The following THSD7A variants were observed in gnomAD, a reference collection of about 807,000 sequenced individuals.
THSD7A encodes thrombospondin type-1 domain-containing protein 7A.
A neutral mutation model predicts 231.3 loss-of-function variants in THSD7A; 96 were observed. The ratio of observed to expected loss-of-function variants is 0.41; its 90% CI spans 0.35 to 0.49. The LOEUF is 0.49. Among genes scored for constraint, THSD7A ranks in the 20% least tolerant of loss-of-function variants. The probability of loss-of-function intolerance (pLI) is 0.05; values close to 1 mark genes in which losing one functional copy is unlikely to be tolerated. For missense variants in THSD7A, 2,290 were observed against 2,070.2 expected (o/e 1.11, Z -2.06); for synonymous variants, 940 against 743.3 (o/e 1.26, Z -4.30).
chr7:11,829,161 T>C (rs994064427), intron 1 of THSD7A, among the ~76,000 whole-genome samples: 1 of 152,100 alleles, frequency 6.6e-6, no homozygotes, highest in Non-Finnish European at 1.5e-5. Context: ...TGGCTATTAG[T>C]AGTTAAGTTT....
intron 13 of THSD7A, among the ~76,000 whole-genome samples, chr7:11,435,448 T>A (rs879911337): frequency 6.6e-6 from 1 of 152,106 alleles, no homozygotes; most frequent in Non-Finnish European, 1.5e-5. Flanking sequence ...TTGAGCTACA[T>A]GTTATCTGAC....
At chr7:11,500,505 AC>A (rs1562660883) in intron 6 of THSD7A, among the ~76,000 whole-genome samples, 1 of 152,168 alleles carries the variant, frequency 6.6e-6, no homozygotes, top group African/African-American at 2.4e-5. Flanking sequence ...AACCCCACTT[AC>A]AAGGCACAGA....
At chr7:11,535,176 A>T (rs1390492666) in intron 6 of THSD7A, among the ~76,000 whole-genome samples, 1 of 152,184 alleles carries the variant, frequency 6.6e-6, no homozygotes, top group Non-Finnish European at 1.5e-5. Context: ...CTACTTTAAA[A>T]AATAAAATAC....
At chr7:11,638,526 T>G (rs1445520331) in intron 1 of THSD7A, among the ~76,000 whole-genome samples, 1 of 152,208 alleles carries the variant, frequency 6.6e-6, no homozygotes, top group Non-Finnish European at 1.5e-5. Flanking sequence ...CAAATGGCAT[T>G]ATGGAGTTGT....
At position 11,411,385 on chromosome 7, in the gene THSD7A, T is replaced by G; in HGVS notation, c.3683-63A>C. The G allele has an allele frequency of 9.1e-7, 1 of 1,094,694 alleles. No individual in the cohort carries two copies. Among genetic ancestry groups the G allele is most frequent in the Non-Finnish European group, 1.4e-6 (1 of 733,216 alleles). 67.8% of individuals were successfully genotyped at this position (1,094,694 alleles called of 1,614,324 possible). ...GTAAGAAACAGATTTCAAATGAAAC[T>G]CTGATGACCTGAATCCCATATTTAA... On this transcript the variant is annotated intron_variant, in intron 18 of 27. Transcript: ENST00000423059. This position sits in a 1 kb window ranked among gnomAD's most constrained non-coding sequence, Gnocchi z 4.1.
rs1784403433 is a variant in THSD7A at position 11,429,018 on chromosome 7, G to A, written c.3172C>T (p.Arg1058Cys). The part of the protein sequence containing the change: ...SKSCGSGVKV[R>C]SKWLREKPYN... The stretch of plus-strand genomic sequence containing the variant: ...GGTTTTTCACGCAGCCATTTAGAAC[G>A]AACCTTCACACCACTCCCACAGGAC... The change falls in exon 14 of 28, where the codon CGT becomes TGT. Residue 1058 changes from arginine to cysteine, a missense_variant. Arg to Cys is a radical substitution (Grantham distance 180). Coordinates refer to ENST00000423059, the MANE Select transcript of THSD7A (RefSeq NM_015204.3). 6.2e-7 allele frequency: 1 copy of A among 1,613,108 alleles called. No homozygotes were observed. The highest frequency in any genetic ancestry group is 8.5e-7 in the Non-Finnish European group (1 of 1,179,506).
At chr7:11,767,505 T>G (rs1455357059) in intron 1 of THSD7A, among the ~76,000 whole-genome samples, 1 of 152,226 alleles carries the variant, frequency 6.6e-6, no homozygotes, top group Admixed American at 6.5e-5. Flanking sequence ...AAATCTACTT[T>G]AACCACCTTG....
intron 1 of THSD7A, among the ~76,000 whole-genome samples, chr7:11,753,818 C>G (rs1176186696): frequency 6.6e-6 from 1 of 151,502 alleles, no homozygotes; most frequent in Non-Finnish European, 1.5e-5. Context: ...CAGAGAGAAA[C>G]ATAAATTACC....
At chr7:11,431,395 C>T (rs1784473670) in intron 13 of THSD7A, among the ~76,000 whole-genome samples, 1 of 152,122 alleles carries the variant, frequency 6.6e-6, no homozygotes, top group African/African-American at 2.4e-5. Context: ...GGTAGGGGTC[C>T]AACTTCATTC....
chr7:11,705,225 TA>T (rs1228862061), intron 1 of THSD7A, among the ~76,000 whole-genome samples: 1 of 150,948 alleles, frequency 6.6e-6, no homozygotes, highest in Non-Finnish European at 1.5e-5. Flanking sequence ...CTAAATTTAA[TA>T]AAAAGCCTCA....
At chr7:11,683,074 T>C (rs962235017) in intron 1 of THSD7A, among the ~76,000 whole-genome samples, 5 of 147,298 alleles carry the variant, frequency 3.4e-5, no homozygotes, top group African/African-American at 1.3e-4. Flanking sequence ...TGAGCCGAGA[T>C]CATGCTACTG....
At chr7:11,388,435 AG>A (rs1243342348) in intron 23 of THSD7A, among the ~76,000 whole-genome samples, 1 of 152,182 alleles carries the variant, frequency 6.6e-6, no homozygotes, top group South Asian at 2.1e-4. Flanking sequence ...GTATGTGTCC[AG>A]GAATTTATCC....
chr7:11,822,417 T>C (rs1181439833), intron 1 of THSD7A, among the ~76,000 whole-genome samples: 1 of 152,162 alleles, frequency 6.6e-6, no homozygotes, highest in Non-Finnish European at 1.5e-5. Flanking sequence ...ATTGTATACA[T>C]ATACACCACA....
Position 11,787,579 on chromosome 7 carries a change from A to G in THSD7A, c.190+44178T>C, listed in dbSNP as rs376574322. On this transcript the variant is annotated intron_variant, in intron 1 of 27. Coordinates refer to ENST00000423059, the MANE Select transcript of THSD7A (RefSeq NM_015204.3). Reference sequence around the variant, plus strand: ...CAACAATAAGAAAACAAACAACAATATTAGAAATAGGCGAAAGACCTAAAC... The same window carrying G: ...CAACAATAAGAAAACAAACAACAATGTTAGAAATAGGCGAAAGACCTAAAC... 3.2e-4 allele frequency among the ~76,000 whole-genome samples: 48 copies of G among 152,222 alleles called. No homozygotes were observed. In the South Asian group the frequency reaches 9.5e-3, roughly 30 times the overall value.
chr7:11,686,443 T>C (rs1584211494), intron 1 of THSD7A, among the ~76,000 whole-genome samples: 2 of 152,006 alleles, frequency 1.3e-5, no homozygotes, highest in South Asian at 2.1e-4. Context: ...AAAAGATACA[T>C]AACAACATGT....
chr7:11,810,436 T>C (rs764417482), intron 1 of THSD7A, among the ~76,000 whole-genome samples: 1 of 152,120 alleles, frequency 6.6e-6, no homozygotes, highest in African/African-American at 2.4e-5. Context: ...CTGATTACAA[T>C]TGCTATGTCT....
chr7:11,518,947 T>C (rs1788149645), intron 6 of THSD7A, among the ~76,000 whole-genome samples: 2 of 152,214 alleles, frequency 1.3e-5, no homozygotes, highest in Non-Finnish European at 2.9e-5. Context: ...ACCTGACATA[T>C]TTGTTTACCA....
At chr7:11,635,030 T>G (rs1233961878) in intron 2 of THSD7A, among the ~76,000 whole-genome samples, 3 of 152,134 alleles carry the variant, frequency 2.0e-5, no homozygotes, top group Admixed American at 2.0e-4. Flanking sequence ...ACAGTCCTAT[T>G]TAGGTTCTTA....
intron 1 of THSD7A, among the ~76,000 whole-genome samples, chr7:11,792,637 T>G (rs978728099): frequency 6.6e-6 from 1 of 151,874 alleles, no homozygotes; most frequent in Non-Finnish European, 1.5e-5. Context: ...ATGATGAAGA[T>G]GTAATTCCAG....
Sources: allele counts gnomAD v4.1 joint callset (sites outside exome capture counted in the v4.1 genomes callset), GRCh38; gene constraint gnomAD v4.1.1; non-coding constraint Gnocchi (gnomAD v3.1); transcripts MANE v1.5; gene names NCBI Gene and HGNC (gene_info 2026-07-23, HGNC 2026-07-21).